Variants in FGF14 observed in about 807,000 individuals in gnomAD.
The protein encoded by FGF14 is fibroblast growth factor 14.
FGF14 carries 5 observed loss-of-function variants against 25.5 expected under a neutral mutation model. That is an observed-to-expected ratio of 0.20 (90% CI 0.10 to 0.41). The LOEUF is 0.41. FGF14 is among the 10% of genes least tolerant of loss of function. The pLI, the probability that FGF14 is intolerant of heterozygous loss-of-function variation, is 1.00. For missense variants in FGF14, 222 were observed against 320.1 expected, an observed-to-expected ratio of 0.69 and a Z score of 2.34; for synonymous variants, 138 against 118.3, an observed-to-expected ratio of 1.17 and a Z score of -1.08.
chr13:102,014,501 C>T (rs927342232), intron 1 of FGF14, among the ~76,000 whole-genome samples: 30 of 152,160 alleles, frequency 2.0e-4, no homozygotes, highest in Middle Eastern at 3.4e-3. Context: ...GACTTGGATC[C>T]CAGGTAAACT....
chr13:101,839,759 G>A (rs959915263), intron 3 of FGF14, among the ~76,000 whole-genome samples: 1 of 151,902 alleles, frequency 6.6e-6, no homozygotes, highest in Non-Finnish European at 1.5e-5. Flanking sequence ...TAGGTTAACG[G>A]TACATCATTT....
intron 1 of FGF14, among the ~76,000 whole-genome samples, chr13:102,009,921 T>A (rs2039993499): frequency 6.6e-6 from 1 of 152,204 alleles, no homozygotes; most frequent in South Asian, 2.1e-4. Flanking sequence ...ATGATGATAT[T>A]TTCCAATTCT....
chr13:102,371,209 T>A (rs1343076724), intron 1 of FGF14, among the ~76,000 whole-genome samples: 1 of 152,174 alleles, frequency 6.6e-6, no homozygotes. Context: ...TATAACCTGA[T>A]ACAAAATGTT....
intron 1 of FGF14, among the ~76,000 whole-genome samples, chr13:102,074,465 T>C (rs1421990548): frequency 4.6e-5 from 7 of 152,250 alleles, no homozygotes; most frequent in African/African-American, 1.4e-4. Context: ...ATTAAACAAG[T>C]TTTGAATTCC....
intron 3 of FGF14, among the ~76,000 whole-genome samples, chr13:101,830,317 G>C (rs2042606629): frequency 6.6e-6 from 1 of 152,000 alleles, no homozygotes; most frequent in Non-Finnish European, 1.5e-5. Context: ...TTGTGATGAA[G>C]GATAGAAAGA....
intron 3 of FGF14, among the ~76,000 whole-genome samples, chr13:101,728,213 A>T (rs1295576526): frequency 6.6e-6 from 1 of 152,184 alleles, no homozygotes; most frequent in African/African-American, 2.4e-5. Context: ...TCCAAGGGGA[A>T]CAGCCTTTGT....
chr13:102,311,321 T>C lies in FGF14; in HGVS notation c.208+90150A>G, dbSNP rs569479151. 4.7e-4 allele frequency among the ~76,000 whole-genome samples: 72 copies of C among 152,288 alleles called. 1 individual carries two copies. The South Asian group carries it at 0.012, about 25-fold the overall frequency. Reference sequence around the variant, plus strand: ...TGGGGAGTTGAGCTTTATGACATACTAGGGGCAGCTATCTGATCAGTCTTG... The same window carrying C: ...TGGGGAGTTGAGCTTTATGACATACCAGGGGCAGCTATCTGATCAGTCTTG... On this transcript the variant is annotated intron_variant, in intron 1 of 4. Coordinates refer to the FGF14 transcript ENST00000376131.
intron 1 of FGF14, among the ~76,000 whole-genome samples, chr13:102,038,379 T>A (rs1221197916): frequency 6.6e-6 from 1 of 152,128 alleles, no homozygotes; most frequent in East Asian, 1.9e-4. Context: ...GTAGAAGAGA[T>A]TGACTGAAGC....
intron 3 of FGF14, among the ~76,000 whole-genome samples, chr13:101,772,355 T>G (rs1282785618): frequency 6.6e-6 from 1 of 152,030 alleles, no homozygotes; most frequent in African/African-American, 2.4e-5. Context: ...AATGGAAAAA[T>G]AAAATAGTTG....
chr13:102,015,929 A>G (rs1432342106), intron 1 of FGF14, among the ~76,000 whole-genome samples: 1 of 152,174 alleles, frequency 6.6e-6, no homozygotes, highest in Non-Finnish European at 1.5e-5. Flanking sequence ...AAAAACCAAT[A>G]GAAATACTCT....
chr13:102,209,532 C>T (rs1317212520), intron 1 of FGF14, among the ~76,000 whole-genome samples: 1 of 152,280 alleles, frequency 6.6e-6, no homozygotes, highest in East Asian at 1.9e-4. Flanking sequence ...TGTACACCAG[C>T]ATGTTAATCT....
At chr13:102,162,319 A>G (rs2047813346) in intron 1 of FGF14, among the ~76,000 whole-genome samples, 1 of 152,206 alleles carries the variant, frequency 6.6e-6, no homozygotes, top group Non-Finnish European at 1.5e-5. Context: ...AAAGCAATTG[A>G]AGAGAAAGCT....
At chr13:102,200,010 T>C (rs534903107) in intron 1 of FGF14, among the ~76,000 whole-genome samples, 50 of 152,260 alleles carry the variant, frequency 3.3e-4, no homozygotes, top group African/African-American at 1.2e-3. Context: ...CAGAGACAGG[T>C]GTTAAAATCC....
At chr13:101,977,808 A>G (rs2038017731) in intron 1 of FGF14, among the ~76,000 whole-genome samples, 1 of 152,208 alleles carries the variant, frequency 6.6e-6, no homozygotes, top group Non-Finnish European at 1.5e-5. Flanking sequence ...AATGTGTGCC[A>G]ATAAACTCCC....
At chr13:102,036,795 C>A (rs2139972465) in intron 1 of FGF14, among the ~76,000 whole-genome samples, 1 of 152,156 alleles carries the variant, frequency 6.6e-6, no homozygotes, top group East Asian at 1.9e-4. Context: ...CTGAGAAATG[C>A]AGAATCCTAT....
intron 1 of FGF14, among the ~76,000 whole-genome samples, chr13:102,167,312 CAAAAAAAA>C: frequency 1.4e-5 from 1 of 72,774 alleles, no homozygotes; most frequent in Admixed American, 1.6e-4. Context: ...CACTCCATCT[CAAAAAAAA>C]AAAAAAAAAA....
chr13:102,149,190 T>C (rs922045405), intron 1 of FGF14, among the ~76,000 whole-genome samples: 7 of 151,862 alleles, frequency 4.6e-5, no homozygotes, highest in African/African-American at 1.7e-4. Context: ...TATTTTAAAA[T>C]AACTATAATT....
At chr13:101,925,102 G>A (rs1433769419) in intron 1 of FGF14, among the ~76,000 whole-genome samples, 1 of 152,144 alleles carries the variant, frequency 6.6e-6, no homozygotes, top group Admixed American at 6.5e-5. Flanking sequence ...GAATGAGAAT[G>A]AGAACACAAC....
At chr13:101,728,118 G>T (rs1418924432) in intron 3 of FGF14, among the ~76,000 whole-genome samples, 1 of 152,212 alleles carries the variant, frequency 6.6e-6, no homozygotes, top group East Asian at 1.9e-4. Context: ...CCCCATAAAA[G>T]TGTGAATTAT....
Sources: allele counts gnomAD v4.1 joint callset (sites outside exome capture counted in the v4.1 genomes callset), GRCh38; gene constraint gnomAD v4.1.1; transcripts MANE v1.5; gene names NCBI Gene and HGNC (gene_info 2026-07-23, HGNC 2026-07-21).